The following TMEM135 variants were observed in gnomAD, a reference collection of about 807,000 sequenced individuals.
TMEM135 encodes the protein transmembrane protein 135, also known as peroxisomal membrane protein 52.
TMEM135 carries 30 observed loss-of-function variants against 60.3 expected under a neutral mutation model. That is an observed-to-expected ratio of 0.50 (90% CI 0.37 to 0.68). The LOEUF (loss-of-function observed/expected upper bound fraction) is 0.68. Among genes scored for constraint, TMEM135 ranks in the 30% least tolerant of loss-of-function variants. The probability of loss-of-function intolerance (pLI) is 0.00; values close to 1 mark genes in which losing one functional copy is unlikely to be tolerated. For synonymous variants in TMEM135, 190 were observed against 186.7 expected, an observed-to-expected ratio of 1.02 and a Z score of -0.14; for missense variants, 468 against 548.8, an observed-to-expected ratio of 0.85 and a Z score of 1.47.
intron 3 of TMEM135, among the ~76,000 whole-genome samples, chr11:87,081,395 G>T (rs1272984594): frequency 6.6e-6 from 1 of 151,656 alleles, no homozygotes; most frequent in Admixed American, 6.6e-5. Flanking sequence ...CATCTTTGAA[G>T]TTTCTTAATG....
At chr11:87,147,588 A>G (rs531440286) in intron 4 of TMEM135, among the ~76,000 whole-genome samples, 8 of 152,322 alleles carry the variant, frequency 5.3e-5, no homozygotes, top group Admixed American at 5.2e-4. Context: ...TCACCCAGAG[A>G]TTACTGCTGT....
intron 12 of TMEM135, among the ~76,000 whole-genome samples, chr11:87,317,385 T>C (rs1464793839): frequency 6.6e-6 from 1 of 152,132 alleles, no homozygotes; most frequent in South Asian, 2.1e-4. Flanking sequence ...TGTATATTTA[T>C]CTTGTTTCCA....
chr11:87,152,661 A>T (rs1021824670), intron 4 of TMEM135, among the ~76,000 whole-genome samples: 1 of 151,646 alleles, frequency 6.6e-6, no homozygotes, highest in African/African-American at 2.4e-5. Flanking sequence ...CTGGTCTCCA[A>T]CTCCTGACCT....
chr11:87,276,024 C>T (rs966792235), intron 6 of TMEM135, among the ~76,000 whole-genome samples: 18 of 152,092 alleles, frequency 1.2e-4, no homozygotes, highest in African/African-American at 4.1e-4. Context: ...AGAAGGACCC[C>T]AACCATGTAG....
rs529646237 is a variant in TMEM135, at chr11:87,238,875, G to T, written c.509+2191G>T. On this transcript the variant is annotated intron_variant, in intron 6 of 14. Transcript: ENST00000305494. ...ATCTCAAGTAAATTTTCTTTTTCGTGAAAATTCCTAACAGAACAGGTATTT... is the reference window on the plus strand; with the variant it reads ...ATCTCAAGTAAATTTTCTTTTTCGTTAAAATTCCTAACAGAACAGGTATTT... Among the ~76,000 whole-genome samples, 374 of 152,062 alleles carry T rather than the reference G, an allele frequency of 2.5e-3. 4 individuals carry two copies. The highest frequency in any genetic ancestry group is 3.9e-3 in the Non-Finnish European group (263 of 67,908).
chr11:87,110,406 T>G (rs1244707307), intron 4 of TMEM135, among the ~76,000 whole-genome samples: 3 of 151,760 alleles, frequency 2.0e-5, no homozygotes, highest in Non-Finnish European at 4.4e-5. Flanking sequence ...GAGGTTATAG[T>G]GAGCCATGCT....
chr11:87,126,373 A>G (rs905620709), intron 4 of TMEM135, among the ~76,000 whole-genome samples: 4 of 152,046 alleles, frequency 2.6e-5, no homozygotes, highest in Non-Finnish European at 4.4e-5. Flanking sequence ...TATTAAAATT[A>G]CTTCACTTTT....
chr11:87,084,900 T>C (rs1023667851), intron 3 of TMEM135, among the ~76,000 whole-genome samples: 3 of 152,238 alleles, frequency 2.0e-5, no homozygotes, highest in Non-Finnish European at 2.9e-5. Flanking sequence ...TTTTCAGGCC[T>C]ATGCCATCAT....
chr11:87,072,501 C>T (rs1404128274), intron 3 of TMEM135, among the ~76,000 whole-genome samples: 1 of 152,094 alleles, frequency 6.6e-6, no homozygotes, highest in Non-Finnish European at 1.5e-5. Context: ...CTATCTTAGC[C>T]TCCCGAGTAG....
In TMEM135 at chr11:87,059,535, C is replaced by T. The variant is rs140930488; in HGVS notation, c.142-8159C>T. Among the ~76,000 whole-genome samples, 40 of 151,770 alleles carry T rather than the reference C, an allele frequency of 2.6e-4. 1 individual carries two copies. The highest frequency in any genetic ancestry group is 9.4e-4 in the African/African-American group (39 of 41,394). The stretch of plus-strand genomic sequence containing the variant: ...TTTGCCATGTTGGCTGAGCTGGTCT[C>T]GAACTCCTGACCTGTAGTGATCCAC... On this transcript the variant is annotated intron_variant, in intron 1 of 14. Transcript: ENST00000305494.
intron 4 of TMEM135, among the ~76,000 whole-genome samples, chr11:87,109,431 G>A (rs965421460): frequency 2.0e-5 from 3 of 152,150 alleles, no homozygotes; most frequent in African/African-American, 2.4e-5. Context: ...TTATGTGAAT[G>A]TGGTATCTCT....
chr11:87,283,809 G>C (rs1451533167), intron 6 of TMEM135, among the ~76,000 whole-genome samples: 1 of 152,178 alleles, frequency 6.6e-6, no homozygotes, highest in Non-Finnish European at 1.5e-5. Flanking sequence ...AGTGAGCCGA[G>C]ATCGCGTCAT....
At chr11:87,210,041 T>C (rs1303324680) in intron 5 of TMEM135, among the ~76,000 whole-genome samples, 1 of 152,154 alleles carries the variant, frequency 6.6e-6, no homozygotes, top group Non-Finnish European at 1.5e-5. Context: ...GAGGAAAGTT[T>C]ACAGTGCTAA....
chr11:87,302,035 T>G (rs563524442), intron 7 of TMEM135, among the ~76,000 whole-genome samples: 1 of 152,196 alleles, frequency 6.6e-6, no homozygotes, highest in Admixed American at 6.5e-5. Context: ...TCATTAAGTG[T>G]TGTGCTGTAT....
intron 5 of TMEM135, among the ~76,000 whole-genome samples, chr11:87,195,323 T>G (rs1939912669): frequency 2.1e-4 from 3 of 14,602 alleles, no homozygotes; most frequent in East Asian, 1.2e-3. Context: ...CTTTCCTTCC[T>G]TCCTTCCTTC....
chr11:87,103,751 C>T (rs947775992), intron 4 of TMEM135, among the ~76,000 whole-genome samples: 1 of 151,958 alleles, frequency 6.6e-6, no homozygotes, highest in African/African-American at 2.4e-5. Flanking sequence ...CTTCACCTCC[C>T]AGGGTCAAGC....
At chr11:87,065,099 G>A (rs192062602) in intron 1 of TMEM135, among the ~76,000 whole-genome samples, 73 of 152,142 alleles carry the variant, frequency 4.8e-4, no homozygotes, top group Non-Finnish European at 7.8e-4. Flanking sequence ...TTTTTGAAGG[G>A]CATCGGGGTT....
intron 4 of TMEM135, among the ~76,000 whole-genome samples, chr11:87,093,409 G>C (rs1857253919): frequency 6.6e-6 from 1 of 151,854 alleles, no homozygotes; most frequent in African/African-American, 2.4e-5. Flanking sequence ...TGTAGAGATG[G>C]GATGTTGCCT....
intron 8 of TMEM135, among the ~76,000 whole-genome samples, chr11:87,304,251 G>C (rs1273576843): frequency 6.6e-6 from 1 of 152,116 alleles, no homozygotes; most frequent in Non-Finnish European, 1.5e-5. Flanking sequence ...TGTGCCTGTA[G>C]TCCTAGCTAC....
Sources: allele counts gnomAD v4.1 joint callset (sites outside exome capture counted in the v4.1 genomes callset), GRCh38; gene constraint gnomAD v4.1.1; transcripts MANE v1.5; gene names NCBI Gene and HGNC (gene_info 2026-07-23, HGNC 2026-07-21).